The following BMP8A variants were observed in gnomAD, a reference collection of about 807,000 sequenced individuals.
The protein encoded by BMP8A is BMP-8A.
In BMP8A, 14 loss-of-function variants were observed where a neutral mutation model predicts 36.8. The ratio of observed to expected loss-of-function variants is 0.38; its 90% CI spans 0.25 to 0.60. The LOEUF is 0.60. BMP8A is among the 20% of genes least tolerant of loss of function. The pLI, the probability that BMP8A is intolerant of heterozygous loss-of-function variation, is 0.63. For synonymous variants in BMP8A, 120 were observed against 237.7 expected, an observed-to-expected ratio of 0.50 and a Z score of 4.55; for missense variants, 267 against 551.1, an observed-to-expected ratio of 0.48 and a Z score of 5.16.
chr1:39,518,790 A>C (rs1264166143), intron 3 of BMP8A, among the ~76,000 whole-genome samples: 1 of 149,478 alleles, frequency 6.7e-6, no homozygotes, highest in Non-Finnish European at 1.5e-5. Flanking sequence ...AGTCCCCTTC[A>C]CCACCCCCCA....
Position 39,525,963 on chromosome 1 carries a change from G to GC in BMP8A, c.*169dup, listed in dbSNP as rs1035630524. On this transcript the variant is annotated 3_prime_UTR_variant, in exon 7 of 7. Coordinates refer to ENST00000331593, the MANE Select transcript of BMP8A (RefSeq NM_181809.4). ...TCTGGTCCTTTCTCGGTACCTCTGT[G>GC]CCCCTCCCCTGGGGTTTGTGGCTGT... 23 of 1,238,888 alleles carry GC rather than the reference G, an allele frequency of 1.9e-5. No homozygotes were observed. The African/African-American group carries it at 3.0e-4, about 16-fold the overall frequency. The allele number at this position is 1,238,888 out of a possible 1,614,324, so 76.7% of individuals were successfully genotyped here.
chr1:39,519,940 A>G (rs61779335), intron 3 of BMP8A, among the ~76,000 whole-genome samples: 16,603 of 112,356 alleles, frequency 0.15, 3,476 homozygotes, highest in African/African-American at 0.21. Flanking sequence ...TGCTTCTGCA[A>G]TTCAGTATCA....
chr1:39,517,389 C>T (rs1476214864), intron 3 of BMP8A, among the ~76,000 whole-genome samples: 1 of 151,906 alleles, frequency 6.6e-6, no homozygotes, highest in Non-Finnish European at 1.5e-5. Flanking sequence ...AGTCTCAGCT[C>T]ACTGCAACCC....
chr1:39,522,906 C>G, intron 5 of BMP8A, 101 bp from the exon 6 acceptor site: 1 of 1,176,970 alleles, frequency 8.5e-7, no homozygotes, highest in Non-Finnish European at 1.2e-6. Context: ...GGATTCAAGC[C>G]TCTTGGGGGA....
chr1:39,496,645 G>A lies in BMP8A; in HGVS notation c.334+4320G>A, dbSNP rs183959712. Among the ~76,000 whole-genome samples the A allele has an allele frequency of 3.3e-3, 507 of 152,262 alleles. 2 individuals are homozygous for A. The highest frequency in any genetic ancestry group is 0.012 in the African/African-American group (488 of 41,540). ...ATCTCACAATTGCCGTCACATCTGT[G>A]TTTGAAAGAGAGGAGAGAGAGGCTC... On this transcript the variant is annotated intron_variant, in intron 1 of 6. Transcript: ENST00000331593.
intron 1 of BMP8A, among the ~76,000 whole-genome samples, chr1:39,505,610 A>G (rs1356065187): frequency 6.6e-6 from 1 of 152,176 alleles, no homozygotes; most frequent in East Asian, 1.9e-4. Flanking sequence ...CAAAATCCAT[A>G]ACTTCATTTT....
intron 3 of BMP8A, among the ~76,000 whole-genome samples, chr1:39,518,981 G>A (rs1469161708): frequency 1.1e-5 from 1 of 87,236 alleles, no homozygotes; most frequent in Non-Finnish European, 2.2e-5. Flanking sequence ...GGCTCGCCTG[G>A]CCTGTGAGAC....
chr1:39,509,443 T>TA (rs1410788157), intron 1 of BMP8A, among the ~76,000 whole-genome samples: 3 of 152,174 alleles, frequency 2.0e-5, no homozygotes, highest in Admixed American at 2.0e-4. Context: ...GATCTCTGCC[T>TA]ATGGGAAGAG....
At position 39,529,322 on chromosome 1, in the gene BMP8A, A is replaced by T. The variant is rs570972444; in HGVS notation, c.*3524A>T. 6.6e-6 allele frequency among the ~76,000 whole-genome samples: 1 copy of T among 152,362 alleles called. No homozygotes were observed. The highest frequency in any genetic ancestry group is 1.9e-4 in the East Asian group (1 of 5,188). ...GAGCTATGCTTTTCATCAAAAACCT[A>T]AACGTGATCATCTCTTGGATGAGGT... On this transcript the variant is annotated 3_prime_UTR_variant, in exon 7 of 7. Transcript: ENST00000331593.
chr1:39,513,665 A>AC, intron 3 of BMP8A, among the ~76,000 whole-genome samples: 1 of 151,040 alleles, frequency 6.6e-6, no homozygotes, highest in Non-Finnish European at 1.5e-5. Context: ...AATATTACTG[A>AC]CCCCCCTGGG....
At chr1:39,494,249 A>G (rs1411028222) in intron 1 of BMP8A, among the ~76,000 whole-genome samples, 1 of 152,256 alleles carries the variant, frequency 6.6e-6, no homozygotes, top group Admixed American at 6.5e-5. Context: ...CTAAAAGCCA[A>G]TCAAAGGTGT....
chr1:39,497,734 C>T (rs1387931188), intron 1 of BMP8A, among the ~76,000 whole-genome samples: 1 of 152,062 alleles, frequency 6.6e-6, no homozygotes, highest in Non-Finnish European at 1.5e-5. Context: ...CCAATTCTGA[C>T]TCTTCCCTGC....
chr1:39,500,282 A>C (rs1645242159), intron 1 of BMP8A, among the ~76,000 whole-genome samples: 2 of 152,284 alleles, frequency 1.3e-5, no homozygotes, highest in South Asian at 4.2e-4. Context: ...GATCCCTAGC[A>C]TTTTTGAAAG....
intron 6 of BMP8A, 113 bp from the exon 7 acceptor site, chr1:39,525,536 T>C (rs1211479712): frequency 2.2e-6 from 3 of 1,359,166 alleles, no homozygotes; most frequent in Admixed American, 2.3e-5. Flanking sequence ...GCTGCTCCCA[T>C]GTGGCTTGGA....
At chr1:39,504,959 A>G (rs888520568) in intron 1 of BMP8A, among the ~76,000 whole-genome samples, 4 of 152,168 alleles carry the variant, frequency 2.6e-5, no homozygotes, top group African/African-American at 7.2e-5. Flanking sequence ...GAACATCTCA[A>G]TGCAGTAAAG....
intron 6 of BMP8A, chr1:39,523,784 G>A: frequency 9.1e-7 from 1 of 1,103,342 alleles, no homozygotes; most frequent in Non-Finnish European, 1.2e-6. Context: ...CTGGCACCGA[G>A]GCTTCCTTCT....
rs931645618 is a variant in BMP8A, at chr1:39,528,839, G to A, written c.*3041G>A. 2.6e-5 allele frequency among the ~76,000 whole-genome samples: 4 copies of A among 152,008 alleles called. No individual in the cohort carries two copies. The highest frequency in any genetic ancestry group is 4.8e-5 in the African/African-American group (2 of 41,374). On this transcript the variant is annotated 3_prime_UTR_variant, in exon 7 of 7. Transcript: ENST00000331593. ...CCACTTCAGCCCGAGTTGCTGGGATGACAGGCACACGCCACCATACCCAGC... is the reference window on the plus strand; with the variant it reads ...CCACTTCAGCCCGAGTTGCTGGGATAACAGGCACACGCCACCATACCCAGC...
chr1:39,515,409 G>GT (rs1265797641), intron 3 of BMP8A: 1 of 797,080 alleles, frequency 1.3e-6, no homozygotes, highest in African/African-American at 2.0e-5. Flanking sequence ...GGGCGCCGGG[G>GT]TGCCCGCCTT....
intron 1 of BMP8A, among the ~76,000 whole-genome samples, chr1:39,508,879 G>C (rs957849099): frequency 2.0e-5 from 3 of 152,338 alleles, no homozygotes; most frequent in South Asian, 2.1e-4. Context: ...AGGGGAGGCA[G>C]TTTCCTGTGC....
Sources: allele counts gnomAD v4.1 joint callset (sites outside exome capture counted in the v4.1 genomes callset), GRCh38; gene constraint gnomAD v4.1.1; transcripts MANE v1.5; gene names NCBI Gene and HGNC (gene_info 2026-07-23, HGNC 2026-07-21).